The following HDAC9 variants were observed in gnomAD, a reference collection of about 807,000 sequenced individuals.
HDAC9 encodes the protein histone deacetylase 9.
HDAC9 carries 41 observed loss-of-function variants against 139.4 expected under a neutral mutation model. The observed-to-expected ratio is 0.29, with a 90% CI of 0.23 to 0.38. The LOEUF (loss-of-function observed/expected upper bound fraction) is 0.38. HDAC9 is among the 10% of genes least tolerant of loss of function. The pLI, the probability that HDAC9 is intolerant of heterozygous loss-of-function variation, is 1.00. For missense variants in HDAC9, 1,147 were observed against 1,297.0 expected (o/e 0.88, Z 1.78); for synonymous variants, 517 against 476.2 (o/e 1.09, Z -1.12).
chr7:18,189,570 A>C (rs1457642613), intron 2 of HDAC9, among the ~76,000 whole-genome samples: 1 of 152,182 alleles, frequency 6.6e-6, no homozygotes, highest in Non-Finnish European at 1.5e-5. Context: ...CAGAATCTGC[A>C]AGGATTTACA....
At chr7:18,361,745 G>A (rs1394018965) in intron 1 of HDAC9, among the ~76,000 whole-genome samples, 1 of 151,816 alleles carries the variant, frequency 6.6e-6, no homozygotes, top group East Asian at 1.9e-4. Flanking sequence ...TGTTGCAAAT[G>A]TGTAATTTTC....
chr7:18,380,102 G>T (rs969608461), intron 1 of HDAC9, among the ~76,000 whole-genome samples: 3 of 152,150 alleles, frequency 2.0e-5, no homozygotes, highest in African/African-American at 7.2e-5. Context: ...GAATACAAAT[G>T]TATCAAATTT....
intron 2 of HDAC9, among the ~76,000 whole-genome samples, chr7:18,503,799 G>A (rs983927017): frequency 6.6e-6 from 1 of 152,104 alleles, no homozygotes; most frequent in African/African-American, 2.4e-5. Context: ...AATTCATAAT[G>A]TATGTTCATT....
intron 21 of HDAC9, among the ~76,000 whole-genome samples, chr7:18,842,456 A>G (rs1447721656): frequency 6.6e-6 from 1 of 152,132 alleles, no homozygotes; most frequent in Non-Finnish European, 1.5e-5. Flanking sequence ...AATGATTTTC[A>G]TCTATTAATG....
chr7:18,434,656 A>G (rs913598849), intron 1 of HDAC9, among the ~76,000 whole-genome samples: 2 of 152,162 alleles, frequency 1.3e-5, no homozygotes, highest in African/African-American at 4.8e-5. Context: ...AACATCACTA[A>G]TCATTAGAGA....
chr7:18,881,781 T>A (rs1799758447), intron 22 of HDAC9, among the ~76,000 whole-genome samples: 1 of 152,154 alleles, frequency 6.6e-6, no homozygotes, highest in Non-Finnish European at 1.5e-5. Flanking sequence ...TTGTATCTTT[T>A]ATTACTTATC....
At chr7:18,487,304 G>C (rs1007787628) in intron 1 of HDAC9, among the ~76,000 whole-genome samples, 1 of 151,956 alleles carries the variant, frequency 6.6e-6, no homozygotes, top group Non-Finnish European at 1.5e-5. Flanking sequence ...AAATGAAAAA[G>C]AATTTCCCAA....
intron 1 of HDAC9, among the ~76,000 whole-genome samples, chr7:18,436,006 C>T (rs953602431): frequency 4.6e-5 from 7 of 150,652 alleles, no homozygotes; most frequent in South Asian, 4.2e-4. Context: ...ATTGAAGAGG[C>T]GAGGTTTCAC....
chr7:18,754,661 A>G (rs370504064), intron 14 of HDAC9, among the ~76,000 whole-genome samples: 2 of 152,142 alleles, frequency 1.3e-5, no homozygotes, highest in South Asian at 4.1e-4. Flanking sequence ...TCAAGTGCCA[A>G]CACAAAGTAA....
intron 1 of HDAC9, among the ~76,000 whole-genome samples, chr7:18,153,297 C>T (rs376571985): frequency 3.3e-5 from 5 of 152,048 alleles, no homozygotes; most frequent in Admixed American, 6.6e-5. Context: ...GTACACTCCA[C>T]GGGGTGGGAG....
chr7:18,614,595 G>A (rs926309078), intron 6 of HDAC9, among the ~76,000 whole-genome samples: 2 of 151,824 alleles, frequency 1.3e-5, no homozygotes, highest in African/African-American at 4.8e-5. Flanking sequence ...TTCTCTTCTT[G>A]TCTGATGCTT....
chr7:18,975,920 A>T lies in HDAC9; in HGVS notation c.3137A>T (p.Asp1046Val), dbSNP rs1784518180. Residue 1046 changes from aspartate (D) to valine (V), a missense_variant, in exon 25 of 26, where the codon GAT becomes GTT. Around this residue, in one of 7 missense-constraint regions of HDAC9, gnomAD observed 407 missense variants for 521.5 expected, o/e 0.78. Transcript: ENST00000686413. ...TVSALASLTVDVEQPFAQEDS... is the reference protein window; with the variant it reads ...TVSALASLTVVVEQPFAQEDS... The stretch of plus-strand genomic sequence containing the variant: ...TCTGCCCTGGCCTCCCTAACAGTGG[A>T]TGTGGAACAGCCCTTTGCTCAGGAA... The T allele has an allele frequency of 6.2e-7, 1 of 1,613,722 alleles. No individual in the cohort carries two copies. Among genetic ancestry groups the T allele is most frequent in the African/African-American group, 1.3e-5 (1 of 74,918 alleles).
At chr7:18,259,486 C>T (rs906028723) in intron 2 of HDAC9, among the ~76,000 whole-genome samples, 2 of 152,174 alleles carry the variant, frequency 1.3e-5, no homozygotes, top group Non-Finnish European at 2.9e-5. Context: ...CCTCAGCCTC[C>T]TGAGTAGCTG....
At chr7:18,800,198 T>C (rs1406998688) in intron 17 of HDAC9, among the ~76,000 whole-genome samples, 1 of 152,196 alleles carries the variant, frequency 6.6e-6, no homozygotes, top group African/African-American at 2.4e-5. Flanking sequence ...ATTTAATACA[T>C]GCTCTGTTTT....
At position 18,317,690 on chromosome 7, in the gene HDAC9, A is replaced by G. The variant is rs192032358; in HGVS notation, c.-42+27175A>G. Among the ~76,000 whole-genome samples, 173 of 152,292 alleles carry G rather than the reference A, an allele frequency of 1.1e-3. 1 individual carries two copies. The highest frequency in any genetic ancestry group is 5.4e-4 in the Non-Finnish European group (37 of 68,026). ...TCAACTGCTGCCTAAAGTAGTGTCA[A>G]GGCAGTGAAAAGCCTCTGGCCACCT... On this transcript the variant is annotated intron_variant, in intron 1 of 3. Transcript: ENST00000413509.
At chr7:18,569,837 T>C (rs1448389160) in intron 2 of HDAC9, among the ~76,000 whole-genome samples, 1 of 152,132 alleles carries the variant, frequency 6.6e-6, no homozygotes, top group Non-Finnish European at 1.5e-5. Context: ...TAATTGTCTT[T>C]TATAATGCAC....
chr7:18,291,047 T>G (rs909542284), intron 1 of HDAC9, among the ~76,000 whole-genome samples: 3 of 152,190 alleles, frequency 2.0e-5, no homozygotes, highest in African/African-American at 7.2e-5. Flanking sequence ...CAGCTATGAC[T>G]TCAGAGCCCA....
chr7:18,590,758 A>G (rs757558449), intron 4 of HDAC9, among the ~76,000 whole-genome samples: 22 of 152,178 alleles, frequency 1.4e-4, no homozygotes, highest in Non-Finnish European at 3.1e-4. Context: ...ATGTAATTCT[A>G]AAGCAGTCTA....
At chr7:18,291,477 C>G (rs2791301) in intron 1 of HDAC9, among the ~76,000 whole-genome samples, 15,603 of 151,868 alleles carry the variant, frequency 0.1, 1,739 homozygotes, top group African/African-American at 0.28. Context: ...CAGTGCATGC[C>G]AAGACTCAGA....
Sources: allele counts gnomAD v4.1 joint callset (sites outside exome capture counted in the v4.1 genomes callset), GRCh38; gene constraint gnomAD v4.1.1; regional missense constraint gnomAD v4.1.1; transcripts MANE v1.5; gene names NCBI Gene and HGNC (gene_info 2026-07-23, HGNC 2026-07-21).